CAST: variants seen among roughly 807,000 people sequenced by gnomAD.
CAST encodes MIR583 host.
CAST carries 76 observed loss-of-function variants against 119.6 expected under a neutral mutation model. The ratio of observed to expected loss-of-function variants is 0.64; its 90% CI spans 0.53 to 0.77. The LOEUF (loss-of-function observed/expected upper bound fraction) is 0.77. Ranked by LOEUF, CAST falls within the 30% of genes least tolerant of loss-of-function variation. The probability of loss-of-function intolerance (pLI) is 0.00; values close to 1 mark genes in which losing one functional copy is unlikely to be tolerated. For missense variants in CAST, 953 were observed against 946.5 expected, an observed-to-expected ratio of 1.01 and a Z score of -0.09; for synonymous variants, 319 against 331.6, an observed-to-expected ratio of 0.96 and a Z score of 0.41.
intron 1 of CAST, among the ~76,000 whole-genome samples, chr5:96,652,748 A>G (rs910425702): frequency 3.3e-5 from 5 of 152,230 alleles, no homozygotes; most frequent in African/African-American, 1.2e-4. Flanking sequence ...TGCAAAATAT[A>G]AGATGTGATA....
chr5:96,586,255 C>T (rs1225453436), intron 1 of CAST, among the ~76,000 whole-genome samples: 1 of 152,114 alleles, frequency 6.6e-6, no homozygotes, highest in Non-Finnish European at 1.5e-5. Flanking sequence ...GTGAATGGCT[C>T]CTTTTTTTTC....
the CAST span, among the ~76,000 whole-genome samples, chr5:96,495,156 C>G: frequency 6.7e-6 from 1 of 148,322 alleles, no homozygotes; most frequent in Non-Finnish European, 1.5e-5. Context: ...TCCATGTTAT[C>G]AATATATTGT....
the CAST span, among the ~76,000 whole-genome samples, chr5:96,512,555 C>G: frequency 6.6e-6 from 1 of 152,176 alleles, no homozygotes; most frequent in Admixed American, 6.5e-5. Context: ...CTTTTAATAA[C>G]TAGACAGATC....
chr5:96,362,592 G>A, the CAST span, among the ~76,000 whole-genome samples: 1,474 of 152,284 alleles, frequency 9.7e-3, 31 homozygotes, highest in African/African-American at 0.034. Flanking sequence ...CAGTGATGAT[G>A]AGCATTTTTT....
the CAST span, among the ~76,000 whole-genome samples, chr5:96,382,545 A>C: frequency 2.0e-5 from 3 of 152,340 alleles, no homozygotes; most frequent in African/African-American, 7.2e-5. Flanking sequence ...ATACATATTT[A>C]ATGGCTATTG....
the CAST span, among the ~76,000 whole-genome samples, chr5:96,428,869 A>G: frequency 6.6e-6 from 1 of 152,162 alleles, no homozygotes; most frequent in East Asian, 1.9e-4. Flanking sequence ...ATTGTCAAAC[A>G]TTTTTATTAG....
At chr5:96,287,971 A>G in the CAST span, among the ~76,000 whole-genome samples, 1 of 152,152 alleles carries the variant, frequency 6.6e-6, no homozygotes, top group Non-Finnish European at 1.5e-5. Context: ...TGCTTCTGAT[A>G]TTTTTCAAGA....
the CAST span, among the ~76,000 whole-genome samples, chr5:96,151,460 G>T: frequency 6.6e-6 from 1 of 152,026 alleles, no homozygotes; most frequent in Non-Finnish European, 1.5e-5. Flanking sequence ...ACATAGTGAG[G>T]CCCCATCTCT....
chr5:96,146,701 G>T, the CAST span, among the ~76,000 whole-genome samples: 1 of 152,114 alleles, frequency 6.6e-6, no homozygotes, highest in African/African-American at 2.4e-5. Context: ...TTTTGTCAGG[G>T]TAACTAACCC....
intron 8 of CAST, 150 bp downstream of exon 8, chr5:96,729,875 T>C (rs1200712434): frequency 5.1e-6 from 3 of 594,050 alleles, no homozygotes; most frequent in South Asian, 2.0e-5. Flanking sequence ...ATTTTGTTGG[T>C]TTTTCAAATA....
chr5:96,515,354 C>G, the CAST span, among the ~76,000 whole-genome samples: 1 of 151,638 alleles, frequency 6.6e-6, no homozygotes, highest in Non-Finnish European at 1.5e-5. Flanking sequence ...AGCCTGTTTC[C>G]TGCTTGAAAG....
At chr5:96,484,189 T>C in the CAST span, among the ~76,000 whole-genome samples, 1 of 152,130 alleles carries the variant, frequency 6.6e-6, no homozygotes, top group Non-Finnish European at 1.5e-5. Flanking sequence ...AGATTGAATT[T>C]CTCTAAGCCT....
intron 1 of CAST, among the ~76,000 whole-genome samples, chr5:96,599,163 A>G (rs770025050): frequency 1.3e-4 from 20 of 152,202 alleles, no homozygotes; most frequent in Non-Finnish European, 2.2e-4. Flanking sequence ...GAGTATGGCT[A>G]TGTTTACAAA....
the CAST span, among the ~76,000 whole-genome samples, chr5:96,014,737 G>T: frequency 2.6e-5 from 4 of 152,168 alleles, no homozygotes; most frequent in Admixed American, 6.6e-5. Context: ...CCAGTGGGGG[G>T]TTGGGGGTAG....
intron 1 of CAST, among the ~76,000 whole-genome samples, chr5:96,620,712 C>T (rs531707873): frequency 6.6e-6 from 1 of 152,216 alleles, no homozygotes; most frequent in Non-Finnish European, 1.5e-5. Flanking sequence ...ATTTTACTAT[C>T]TTCGACAGTG....
chr5:96,601,584 C>T (rs1175522645), intron 1 of CAST, among the ~76,000 whole-genome samples: 2 of 152,150 alleles, frequency 1.3e-5, no homozygotes, highest in South Asian at 2.1e-4. Flanking sequence ...GCTGTTATTG[C>T]AGTGAAAGTA....
the CAST span, among the ~76,000 whole-genome samples, chr5:96,410,438 C>T: frequency 1.3e-5 from 2 of 151,986 alleles, no homozygotes; most frequent in Non-Finnish European, 2.9e-5. Context: ...GCCCCTACAA[C>T]CCTGAGATCT....
the CAST span, among the ~76,000 whole-genome samples, chr5:95,974,772 C>G: frequency 6.6e-6 from 1 of 152,066 alleles, no homozygotes; most frequent in African/African-American, 2.4e-5. Flanking sequence ...TGTTAAGGGT[C>G]AATCCCTTAT....
the CAST span, among the ~76,000 whole-genome samples, chr5:96,405,504 GA>G: frequency 6.6e-6 from 1 of 151,974 alleles, no homozygotes; most frequent in Non-Finnish European, 1.5e-5. Flanking sequence ...CTCCTACATA[GA>G]AAAAAGAAGG....
Sources: allele counts gnomAD v4.1 joint callset (sites outside exome capture counted in the v4.1 genomes callset), GRCh38; gene constraint gnomAD v4.1.1; transcripts MANE v1.5; gene names NCBI Gene and HGNC (gene_info 2026-07-23, HGNC 2026-07-21).